The following GALNTL6 variants were observed in gnomAD, a reference collection of about 807,000 sequenced individuals.
The protein encoded by GALNTL6 is polypeptide N-acetylgalactosaminyltransferase-like 6.
GALNTL6 carries 46 observed loss-of-function variants against 73.7 expected under a neutral mutation model. The observed-to-expected ratio is 0.62, with a 90% CI of 0.49 to 0.80. The LOEUF (loss-of-function observed/expected upper bound fraction) is 0.80. Ranked by LOEUF, GALNTL6 falls within the 30% of genes least tolerant of loss-of-function variation. GALNTL6 has a pLI of 0.00. For synonymous variants in GALNTL6, 259 were observed against 263.7 expected, an observed-to-expected ratio of 0.98 and a Z score of 0.17; for missense variants, 604 against 755.0, an observed-to-expected ratio of 0.80 and a Z score of 2.34.
intron 2 of GALNTL6, among the ~76,000 whole-genome samples, chr4:171,955,764 C>CGT (rs1553974761): frequency 2.5e-5 from 3 of 122,424 alleles, no homozygotes; most frequent in Non-Finnish European, 6.1e-5. Flanking sequence ...TGTGTGTATA[C>CGT]GTGTGTGTAT....
At chr4:172,636,302 G>A (rs943949676) in intron 5 of GALNTL6, among the ~76,000 whole-genome samples, 12 of 152,180 alleles carry the variant, frequency 7.9e-5, no homozygotes, top group Non-Finnish European at 2.9e-5. Flanking sequence ...GTAAATAACT[G>A]AAAATAAACA....
At chr4:172,838,005 T>C (rs996220576) in intron 7 of GALNTL6, among the ~76,000 whole-genome samples, 1 of 152,236 alleles carries the variant, frequency 6.6e-6, no homozygotes, top group Non-Finnish European at 1.5e-5. Flanking sequence ...TTATTATTTT[T>C]TTCTGTACCT....
intron 2 of GALNTL6, among the ~76,000 whole-genome samples, chr4:172,178,320 A>T (rs1257242556): frequency 6.6e-6 from 1 of 152,024 alleles, no homozygotes; most frequent in Admixed American, 6.6e-5. Flanking sequence ...AAGTTCTGGG[A>T]TACATGTGCA....
chr4:172,581,219 T>C (rs1455835738), intron 5 of GALNTL6, among the ~76,000 whole-genome samples: 1 of 152,154 alleles, frequency 6.6e-6, no homozygotes, highest in Non-Finnish European at 1.5e-5. Flanking sequence ...ATAAAGCAAA[T>C]GTAGTACAAC....
intron 2 of GALNTL6, among the ~76,000 whole-genome samples, chr4:172,119,923 T>A (rs976456470): frequency 3.3e-5 from 5 of 152,314 alleles, no homozygotes; most frequent in Non-Finnish European, 5.9e-5. Flanking sequence ...TTAAACATTG[T>A]GCACCTCATT....
chr4:172,110,457 A>G (rs932893096), intron 2 of GALNTL6, among the ~76,000 whole-genome samples: 3 of 152,212 alleles, frequency 2.0e-5, no homozygotes, highest in African/African-American at 7.2e-5. Context: ...CTTTCACAAT[A>G]TTTAGTTAGT....
chr4:173,015,271 G>T (rs766925372), intron 11 of GALNTL6, among the ~76,000 whole-genome samples: 1 of 152,174 alleles, frequency 6.6e-6, no homozygotes, highest in Admixed American at 6.5e-5. Flanking sequence ...GTAGGGTAGG[G>T]TGCTGCTATA....
At chr4:172,413,663 T>A (rs966771540) in intron 5 of GALNTL6, among the ~76,000 whole-genome samples, 2 of 151,990 alleles carry the variant, frequency 1.3e-5, no homozygotes, top group Non-Finnish European at 2.9e-5. Flanking sequence ...TAGTTTTTTT[T>A]TTTTTTTTTG....
At chr4:172,335,148 G>A (rs915687382) in intron 4 of GALNTL6, among the ~76,000 whole-genome samples, 8 of 152,002 alleles carry the variant, frequency 5.3e-5, no homozygotes, top group African/African-American at 9.6e-5. Context: ...GGGTTTCACC[G>A]TGTTAGCCAG....
chr4:172,673,236 A>G (rs1579318715), intron 5 of GALNTL6, among the ~76,000 whole-genome samples: 1 of 152,188 alleles, frequency 6.6e-6, no homozygotes, highest in Admixed American at 6.5e-5. Flanking sequence ...CATTTGTTTC[A>G]AAGTACTTCT....
intron 8 of GALNTL6, among the ~76,000 whole-genome samples, chr4:172,905,682 T>A (rs1221349474): frequency 6.6e-6 from 1 of 151,582 alleles, no homozygotes; most frequent in East Asian, 1.9e-4. Context: ...AAATTTAAAG[T>A]TTCCCTACAT....
intron 5 of GALNTL6, among the ~76,000 whole-genome samples, chr4:172,410,485 C>G (rs956298739): frequency 6.6e-6 from 1 of 152,050 alleles, no homozygotes; most frequent in African/African-American, 2.4e-5. Context: ...TGCCATAACA[C>G]TGCATTGCAG....
chr4:172,473,846 C>T (rs10004745), intron 5 of GALNTL6, among the ~76,000 whole-genome samples: 136,551 of 152,210 alleles, frequency 0.9, 61,363 homozygotes, highest in African/African-American at 0.96. Context: ...TCAAATCCTC[C>T]GCTAGACTTC....
At chr4:171,818,758 T>C (rs1206952247) in intron 2 of GALNTL6, among the ~76,000 whole-genome samples, 1 of 151,990 alleles carries the variant, frequency 6.6e-6, no homozygotes, top group Non-Finnish European at 1.5e-5. Context: ...TAATGCATTG[T>C]TTCTGTCTTG....
At chr4:172,417,480 T>C (rs1329151163) in intron 5 of GALNTL6, among the ~76,000 whole-genome samples, 1 of 152,016 alleles carries the variant, frequency 6.6e-6, no homozygotes, top group Non-Finnish European at 1.5e-5. Flanking sequence ...CAAAACTTCA[T>C]CTCTACTAGA....
intron 2 of GALNTL6, among the ~76,000 whole-genome samples, chr4:172,056,628 T>C (rs953854555): frequency 1.3e-5 from 2 of 152,036 alleles, no homozygotes. Context: ...ATTATCAGGT[T>C]TTTAAACCTA....
chr4:173,003,608 T>C (rs1164245888), intron 10 of GALNTL6, among the ~76,000 whole-genome samples: 1 of 152,216 alleles, frequency 6.6e-6, no homozygotes, highest in Admixed American at 6.5e-5. Flanking sequence ...ATCTGTTTAA[T>C]CCTCACAACT....
At chr4:171,903,880 G>T (rs62157522) in intron 2 of GALNTL6, among the ~76,000 whole-genome samples, 118 of 152,250 alleles carry the variant, frequency 7.8e-4, no homozygotes, top group African/African-American at 2.5e-3. Flanking sequence ...CCCAGCAGGG[G>T]CAGACTGACA....
At chr4:172,003,927 T>C (rs1740752274) in intron 2 of GALNTL6, among the ~76,000 whole-genome samples, 1 of 152,164 alleles carries the variant, frequency 6.6e-6, no homozygotes, top group South Asian at 2.1e-4. Flanking sequence ...ACTCCTGCAC[T>C]GAATTTACGG....
Sources: gnomAD v4.1 joint callset for allele counts (sites outside exome capture counted in the v4.1 genomes callset) on GRCh38, gnomAD v4.1.1 for gene constraint, MANE v1.5 for transcripts, NCBI Gene and HGNC (gene_info 2026-07-23, HGNC 2026-07-21) for gene names.